Variants in NKAIN2 observed in about 807,000 individuals in gnomAD.
NKAIN2 encodes sodium/potassium-transporting ATPase subunit beta-1-interacting protein 2.
Under a neutral mutation model 32.6 loss-of-function variants are expected in NKAIN2, and 14 were observed. The ratio of observed to expected loss-of-function variants is 0.43; its 90% CI spans 0.28 to 0.67. NKAIN2 has a LOEUF of 0.67. NKAIN2 is among the 30% of genes least tolerant of loss of function. NKAIN2 has a pLI of 0.17. For synonymous variants in NKAIN2, 80 were observed against 87.2 expected, an observed-to-expected ratio of 0.92 and a Z score of 0.46; for missense variants, 198 against 258.3, an observed-to-expected ratio of 0.77 and a Z score of 1.60.
At chr6:124,641,530 CTTTTTTTTTTTTTTTTTTTTTTTTT>C (rs755033671) in intron 3 of NKAIN2, among the ~76,000 whole-genome samples, 17 of 19,534 alleles carry the variant, frequency 8.7e-4, no homozygotes, top group South Asian at 2.3e-3. Context: ...AAAACACTAG[CTTTTTTTTTTTTTTTTTTTTTTTTT>C]TTTTTTTTTT....
intron 2 of NKAIN2, among the ~76,000 whole-genome samples, chr6:124,284,718 C>A (rs76162608): frequency 0.078 from 11,778 of 151,778 alleles, 585 homozygotes; most frequent in East Asian, 0.18. Context: ...TCCCTAGCAC[C>A]GTGCTTGATA....
At chr6:123,997,455 C>A (rs1779669288) in intron 1 of NKAIN2, among the ~76,000 whole-genome samples, 1 of 152,116 alleles carries the variant, frequency 6.6e-6, no homozygotes, top group South Asian at 2.1e-4. Flanking sequence ...TGCCAACTCA[C>A]AATGGTCTTA....
chr6:124,012,149 G>A (rs1780362078), intron 1 of NKAIN2, among the ~76,000 whole-genome samples: 1 of 151,824 alleles, frequency 6.6e-6, no homozygotes, highest in Non-Finnish European at 1.5e-5. Flanking sequence ...CCATAATCAA[G>A]ATAAAAAATA....
chr6:123,960,808 G>A (rs757240031), intron 1 of NKAIN2, among the ~76,000 whole-genome samples: 3 of 152,014 alleles, frequency 2.0e-5, no homozygotes, highest in Non-Finnish European at 4.4e-5. Context: ...GAATGAGAAC[G>A]TAATGATGGA....
chr6:124,419,911 C>T (rs931532659), intron 3 of NKAIN2, among the ~76,000 whole-genome samples: 1 of 151,978 alleles, frequency 6.6e-6, no homozygotes, highest in African/African-American at 2.4e-5. Context: ...GAAAATTTTG[C>T]ACACTGTCTG....
chr6:124,782,274 TATA>T (rs1210250386), intron 4 of NKAIN2, among the ~76,000 whole-genome samples: 15 of 152,138 alleles, frequency 9.9e-5, no homozygotes, highest in Admixed American at 2.0e-4. Flanking sequence ...ATCATTTTTG[TATA>T]ATATTAATCA....
At position 124,817,711 on chromosome 6, in the gene NKAIN2, T is replaced by C. The variant is rs1225496917; in HGVS notation, c.536-676T>C. On this transcript the variant is annotated intron_variant, in intron 5 of 6. Coordinates refer to ENST00000368417, the MANE Select transcript of NKAIN2 (RefSeq NM_001040214.3). ...TTGTAAAAACATATAAAATAGGAGA[T>C]ACTCTTACCGCCATTTTGGAAAATA... 2.6e-5 allele frequency among the ~76,000 whole-genome samples: 4 copies of C among 152,190 alleles called. No homozygotes were observed. In the East Asian group the frequency reaches 7.7e-4, roughly 29 times the overall value.
intron 4 of NKAIN2, among the ~76,000 whole-genome samples, chr6:124,778,430 AT>A (rs1159014770): frequency 6.6e-6 from 1 of 151,380 alleles, no homozygotes; most frequent in African/African-American, 2.4e-5. Context: ...TTATCAAATT[AT>A]TTTTCTTCTC....
At chr6:124,218,774 G>C (rs1791623946) in intron 1 of NKAIN2, among the ~76,000 whole-genome samples, 1 of 152,084 alleles carries the variant, frequency 6.6e-6, no homozygotes, top group Admixed American at 6.5e-5. Context: ...TTAAATACCA[G>C]TTACTAGTAG....
intron 1 of NKAIN2, among the ~76,000 whole-genome samples, chr6:124,052,172 C>CT (rs1482578428): frequency 2.0e-5 from 3 of 152,038 alleles, no homozygotes; most frequent in African/African-American, 7.2e-5. Flanking sequence ...AGGTGTTACT[C>CT]TGACCATGTT....
At chr6:124,503,772 A>C (rs138541777) in intron 3 of NKAIN2, among the ~76,000 whole-genome samples, 1 of 152,272 alleles carries the variant, frequency 6.6e-6, no homozygotes, top group Non-Finnish European at 1.5e-5. Flanking sequence ...CAATAGTCTA[A>C]GCCTTGGAAA....
chr6:124,692,774 C>CCACT (rs1411775172), intron 4 of NKAIN2, among the ~76,000 whole-genome samples: 3 of 151,958 alleles, frequency 2.0e-5, no homozygotes, highest in Non-Finnish European at 4.4e-5. Flanking sequence ...CGAGATCACA[C>CCACT]CACTGCACAC....
At chr6:124,628,270 A>AT (rs34939996) in intron 3 of NKAIN2, among the ~76,000 whole-genome samples, 2 of 151,506 alleles carry the variant, frequency 1.3e-5, no homozygotes, top group Non-Finnish European at 2.9e-5. Context: ...ACCTTTAAGT[A>AT]TTTTTTTTTA....
intron 1 of NKAIN2, among the ~76,000 whole-genome samples, chr6:123,930,209 C>A (rs1776190556): frequency 6.6e-6 from 1 of 152,104 alleles, no homozygotes; most frequent in Admixed American, 6.6e-5. Flanking sequence ...TATTGTTTTA[C>A]TGATAATTAA....
chr6:123,995,548 A>G (rs1158975594), intron 1 of NKAIN2, among the ~76,000 whole-genome samples: 1 of 152,202 alleles, frequency 6.6e-6, no homozygotes, highest in Non-Finnish European at 1.5e-5. Flanking sequence ...CTCTTACTAG[A>G]CAACTCACTA....
intron 1 of NKAIN2, among the ~76,000 whole-genome samples, chr6:123,813,637 C>T (rs559514918): frequency 2.6e-5 from 4 of 152,182 alleles, no homozygotes; most frequent in South Asian, 2.1e-4. Context: ...CATAGCAAAA[C>T]GTCATCTCTA....
intron 3 of NKAIN2, among the ~76,000 whole-genome samples, chr6:124,426,699 G>T (rs1320749170): frequency 6.6e-6 from 1 of 152,126 alleles, no homozygotes; most frequent in Admixed American, 6.6e-5. Context: ...TGGTTTGTCT[G>T]TGTCCCCACC....
rs144457017 is a variant in NKAIN2, at chr6:124,152,041, A to G, written c.55-130964A>G. 5.5e-3 allele frequency among the ~76,000 whole-genome samples: 839 copies of G among 152,060 alleles called. 1 individual carries two copies. Among genetic ancestry groups the G allele is most frequent in the African/African-American group, 0.019 (790 of 41,536 alleles). Reference sequence around the variant, plus strand: ...ATAAAATCCTTGCTTTCTCAATGCCATGGAGATAGTTTCCTATATTTTACC... The same window carrying G: ...ATAAAATCCTTGCTTTCTCAATGCCGTGGAGATAGTTTCCTATATTTTACC... On this transcript the variant is annotated intron_variant, in intron 1 of 6. Coordinates refer to ENST00000368417, the MANE Select transcript of NKAIN2 (RefSeq NM_001040214.3).
chr6:124,414,559 G>T (rs1774373999), intron 3 of NKAIN2, among the ~76,000 whole-genome samples: 1 of 152,124 alleles, frequency 6.6e-6, no homozygotes, highest in African/African-American at 2.4e-5. Flanking sequence ...TTTTCTGTAA[G>T]ACTGTTTATG....
Sources: allele counts gnomAD v4.1 joint callset (sites outside exome capture counted in the v4.1 genomes callset), GRCh38; gene constraint gnomAD v4.1.1; transcripts MANE v1.5; gene names NCBI Gene and HGNC (gene_info 2026-07-23, HGNC 2026-07-21).